TAF1: variants seen among roughly 807,000 people sequenced by gnomAD.
TAF1 encodes the protein transcription initiation factor TFIID subunit 1.
Under a neutral mutation model 138.5 loss-of-function variants are expected in TAF1, and 2 were observed. That is an observed-to-expected ratio of 0.01 (90% CI 0.01 to 0.05). The LOEUF (loss-of-function observed/expected upper bound fraction) is 0.05, where lower values mean the gene tolerates loss of function less well. TAF1 is among the 10% of genes least tolerant of loss of function. The pLI, the probability that TAF1 is intolerant of heterozygous loss-of-function variation, is 1.00. For synonymous variants in TAF1, 437 were observed against 503.2 expected (o/e 0.87, Z 1.76); for missense variants, 709 against 1,478.0 (o/e 0.48, Z 8.53).
chrX:71,456,252 T>C (rs2038274352), intron 34 of TAF1, among the ~76,000 whole-genome samples: 1 of 112,096 alleles, frequency 8.9e-6, no homozygotes, highest in South Asian at 3.7e-4. Flanking sequence ...CAAAGTCACC[T>C]TCCTTTCTTC....
At position 71,376,692 on chromosome X, in the gene TAF1, G is replaced by A. The variant is rs113017368; in HGVS notation, c.473-258G>A. On this transcript the variant is annotated intron_variant, in intron 4 of 37. Coordinates refer to ENST00000423759, the MANE Select transcript of TAF1 (RefSeq NM_004606.5). ...AAAAAAAAAAAAACAACAAAAAATC[G>A]GAAAGTAGTAAATGTAGTAATAGTG... 4.8e-4 allele frequency among the ~76,000 whole-genome samples: 53 copies of A among 109,718 alleles called. 1 individual carries two copies. The highest frequency in any genetic ancestry group is 9.2e-3 in the Middle Eastern group (2 of 217).
intron 22 of TAF1, among the ~76,000 whole-genome samples, chrX:71,396,252 T>G (rs972767827): frequency 9.1e-6 from 1 of 109,716 alleles, no homozygotes; most frequent in Non-Finnish European, 1.9e-5. Context: ...CGGAACTTGT[T>G]TTTTGTAGTG....
chrX:71,526,323 AT>A (rs1433312216), intron 13 of TAF1, among the ~76,000 whole-genome samples: 91 of 112,502 alleles, frequency 8.1e-4, no homozygotes, highest in African/African-American at 2.7e-3. Context: ...AAAAAATACT[AT>A]CATAGAAATC....
At chrX:71,443,452 GCTCT>G (rs1430192297) in intron 32 of TAF1, among the ~76,000 whole-genome samples, 4 of 111,064 alleles carry the variant, frequency 3.6e-5, no homozygotes, top group Non-Finnish European at 5.7e-5. Context: ...TCATGATTTG[GCTCT>G]CTGTTGGTCT....
intron 32 of TAF1, among the ~76,000 whole-genome samples, chrX:71,427,263 C>G (rs1440942828): frequency 1.8e-5 from 2 of 112,175 alleles, no homozygotes; most frequent in Non-Finnish European, 3.8e-5. Flanking sequence ...AAAGAATGTA[C>G]TTTCTCAGTT....
chrX:71,451,462 G>GTTT (rs1455750123), intron 32 of TAF1, among the ~76,000 whole-genome samples: 1 of 105,516 alleles, frequency 9.5e-6, no homozygotes, highest in African/African-American at 3.5e-5. Context: ...TAGTTGGTTT[G>GTTT]TTTTTATTTT....
At chrX:71,505,772 G>A (rs890536699) in intron 13 of TAF1, among the ~76,000 whole-genome samples, 1 of 111,910 alleles carries the variant, frequency 8.9e-6, no homozygotes, top group Non-Finnish European at 1.9e-5. Context: ...TGTAATCCCA[G>A]CACTTTGGGA....
At chrX:71,376,919 A>T (rs762646224) in intron 4 of TAF1, 31 bp from the exon 5 acceptor site, 3 of 1,206,489 alleles carry the variant, frequency 2.5e-6, no homozygotes, top group Non-Finnish European at 3.4e-6. Flanking sequence ...TCACAGTTAC[A>T]TGCCAAAGGG....
intron 13 of TAF1, among the ~76,000 whole-genome samples, chrX:71,485,511 C>T (rs778254315): frequency 9.8e-5 from 11 of 111,966 alleles, no homozygotes; most frequent in Non-Finnish European, 1.5e-4. Flanking sequence ...TATGTGTGCA[C>T]GTGCAGGCGT....
intron 13 of TAF1, among the ~76,000 whole-genome samples, chrX:71,483,803 T>TAC (rs1556022716): frequency 0.01 from 964 of 92,529 alleles, 11 homozygotes; most frequent in Non-Finnish European, 0.013. Context: ...TATATATATA[T>TAC]ACACACACAT....
At chrX:71,529,841 A>G in exon 15 of TAF1, 1 of 302,448 alleles carries the variant, frequency 3.3e-6, no homozygotes, top group Non-Finnish European at 6.4e-6. Context: ...GGAGAGGACT[A>G]CAGTGAGGAT....
intron 1 of TAF1, 21 bp downstream of exon 1, chrX:71,366,515 G>GGGGGGGT: frequency 2.4e-6 from 1 of 418,752 alleles, no homozygotes; most frequent in Non-Finnish European, 3.9e-6. Flanking sequence ...GGGCGTGGGG[G>GGGGGGGT]TAGGGCTCGG....
intron 37 of TAF1, 131 bp downstream of exon 37, chrX:71,460,934 G>C: frequency 1.1e-6 from 1 of 946,202 alleles, no homozygotes; most frequent in Non-Finnish European, 1.5e-6. Flanking sequence ...CACTGTGCTA[G>C]GCTCTGGGGA....
At chrX:71,516,309 C>T (rs978153291) in intron 13 of TAF1, among the ~76,000 whole-genome samples, 15 of 103,336 alleles carry the variant, frequency 1.5e-4, no homozygotes, top group Non-Finnish European at 2.4e-4. Context: ...TGGGCTCAAG[C>T]AATCTGCCAG....
intron 13 of TAF1, among the ~76,000 whole-genome samples, chrX:71,506,410 C>T (rs768783712): frequency 9.8e-5 from 10 of 101,753 alleles, no homozygotes; most frequent in African/African-American, 2.9e-4. Flanking sequence ...ATTGGCCAGT[C>T]GCGGTGGCTC....
At chrX:71,397,061 A>T (rs1362877955) in intron 22 of TAF1, among the ~76,000 whole-genome samples, 192 bp from the exon 23 acceptor site, 1 of 108,886 alleles carries the variant, frequency 9.2e-6, no homozygotes, top group Non-Finnish European at 1.9e-5. Context: ...AAGTGGGGAA[A>T]TTGGCAGTGC....
chrX:71,375,556 A>T (rs2148208214), intron 4 of TAF1, among the ~76,000 whole-genome samples: 1 of 111,887 alleles, frequency 8.9e-6, no homozygotes, highest in African/African-American at 3.2e-5. Flanking sequence ...ATCTTTAAAA[A>T]AAAAAAACAA....
intron 15 of TAF1, among the ~76,000 whole-genome samples, chrX:71,387,933 CAA>C (rs370531040): frequency 1.1e-4 from 9 of 85,301 alleles, no homozygotes; most frequent in African/African-American, 2.6e-4. Context: ...AACTCAGTCT[CAA>C]AAAAAAAAAA....
In TAF1 at chrX:71,464,107, T is replaced by TC; in HGVS notation, c.*65dup. The TC allele has an allele frequency of 9.6e-7, 1 of 1,038,298 alleles. No homozygotes were observed. The highest frequency in any genetic ancestry group is 1.3e-6 in the Non-Finnish European group (1 of 760,636). 85.6% of individuals were successfully genotyped at this position (1,038,298 alleles called of 1,213,427 possible). ...TTCTCCAGCCTAGGTGGTTCACCTT[T>TC]CCCCAATTTGTTCATATTTGTACAG... is the stretch of plus-strand genomic sequence containing the variant. On this transcript the variant is annotated 3_prime_UTR_variant, in exon 38 of 38. Transcript: ENST00000423759.
Sources: gnomAD v4.1 joint callset for allele counts (sites outside exome capture counted in the v4.1 genomes callset) on GRCh38, gnomAD v4.1.1 for gene constraint, MANE v1.5 for transcripts, NCBI Gene and HGNC (gene_info 2026-07-23, HGNC 2026-07-21) for gene names.